Variants in STOX2 observed in about 807,000 individuals in gnomAD.
The protein encoded by STOX2 is storkhead box 2.
Under a neutral mutation model 60.9 loss-of-function variants are expected in STOX2, and 28 were observed. The observed-to-expected ratio is 0.46, with a 90% CI of 0.34 to 0.63. The LOEUF is 0.63. Ranked by LOEUF, STOX2 falls within the 30% of genes least tolerant of loss-of-function variation. The probability of loss-of-function intolerance (pLI) is 0.01; values close to 1 mark genes in which losing one functional copy is unlikely to be tolerated. For synonymous variants in STOX2, 472 were observed against 463.9 expected (o/e 1.02, Z -0.22); for missense variants, 1,024 against 1,187.7 (o/e 0.86, Z 2.03).
At chr4:183,844,799 T>G (rs766509431) in intron 1 of STOX2, among the ~76,000 whole-genome samples, 3 of 152,242 alleles carry the variant, frequency 2.0e-5, no homozygotes, top group Non-Finnish European at 2.9e-5. Context: ...CAAAAGTGTA[T>G]TGAGCACCTC....
chr4:183,911,484 G>A (rs1741781599), intron 1 of STOX2, among the ~76,000 whole-genome samples: 1 of 152,144 alleles, frequency 6.6e-6, no homozygotes, highest in Non-Finnish European at 1.5e-5. Context: ...CAGGCGAGTG[G>A]AAGTGAGGAA....
At chr4:183,834,447 A>G (rs1739652270) in intron 1 of STOX2, among the ~76,000 whole-genome samples, 2 of 152,114 alleles carry the variant, frequency 1.3e-5, no homozygotes, top group South Asian at 2.1e-4. Context: ...CAATTCCTAC[A>G]GTCTGCACAA....
At chr4:183,960,996 C>T (rs1743395209) in intron 1 of STOX2, among the ~76,000 whole-genome samples, 1 of 152,154 alleles carries the variant, frequency 6.6e-6, no homozygotes, top group African/African-American at 2.4e-5. Flanking sequence ...ATGAGCTACA[C>T]CCCTCAGCCC....
intron 1 of STOX2, among the ~76,000 whole-genome samples, chr4:183,934,581 A>G (rs1742534945): frequency 6.6e-6 from 1 of 152,252 alleles, no homozygotes; most frequent in East Asian, 1.9e-4. Context: ...AGAATTAATT[A>G]AAACAAATAT....
chr4:183,909,035 T>C (rs942869798), intron 1 of STOX2, among the ~76,000 whole-genome samples: 1 of 152,122 alleles, frequency 6.6e-6, no homozygotes, highest in African/African-American at 2.4e-5. Context: ...AGCTAATACA[T>C]GGAATAAGAA....
chr4:183,867,447 C>T (rs1056989578), intron 1 of STOX2, among the ~76,000 whole-genome samples: 1 of 152,206 alleles, frequency 6.6e-6, no homozygotes, highest in Non-Finnish European at 1.5e-5. Context: ...CTGGACAGGG[C>T]TGCTGAGGGA....
intron 1 of STOX2, among the ~76,000 whole-genome samples, chr4:183,980,543 C>T (rs1456164639): frequency 6.6e-6 from 1 of 152,090 alleles, no homozygotes; most frequent in Non-Finnish European, 1.5e-5. Flanking sequence ...GTGGTGTGCC[C>T]CTTCCAACTG....
chr4:183,908,813 C>T (rs1365628916), intron 1 of STOX2, among the ~76,000 whole-genome samples: 4 of 152,074 alleles, frequency 2.6e-5, no homozygotes, highest in Admixed American at 1.3e-4. Flanking sequence ...TTCAGGTTGG[C>T]GGTTTTCTGT....
At chr4:183,941,238 T>C (rs1314785713) in intron 1 of STOX2, among the ~76,000 whole-genome samples, 1 of 152,222 alleles carries the variant, frequency 6.6e-6, no homozygotes, top group Non-Finnish European at 1.5e-5. Context: ...CTCATCCTTT[T>C]GGTTCTCCTA....
intron 1 of STOX2, among the ~76,000 whole-genome samples, chr4:183,840,879 T>G (rs1739841996): frequency 6.6e-6 from 1 of 152,126 alleles, no homozygotes; most frequent in African/African-American, 2.4e-5. Flanking sequence ...ATTCTGTTAT[T>G]TTTTTTGAGA....
intron 1 of STOX2, among the ~76,000 whole-genome samples, chr4:183,852,439 GGGAAAGGTTGAGA>G: frequency 2.4e-5 from 1 of 42,104 alleles, no homozygotes; most frequent in African/African-American, 1.1e-4. Context: ...GAAAGGATGA[GGGAAAGGTTGAGA>G]GAAACGATGA....
intron 3 of STOX2, chr4:184,016,159 G>A (rs2309956): frequency 0.52 from 79,481 of 152,092 alleles, 23,629 homozygotes; most frequent in Non-Finnish European, 0.69. Flanking sequence ...TCAGGAGTTC[G>A]AGACCAGCCT....
chr4:183,800,709 T>C (rs1051026148), intron 1 of STOX2, among the ~76,000 whole-genome samples: 1 of 152,230 alleles, frequency 6.6e-6, no homozygotes, highest in African/African-American at 2.4e-5. Flanking sequence ...AGTCTTATCA[T>C]TCTTGTGGGG....
At chr4:183,822,289 A>C (rs1346646737) in intron 1 of STOX2, among the ~76,000 whole-genome samples, 2 of 152,174 alleles carry the variant, frequency 1.3e-5, no homozygotes, top group African/African-American at 4.8e-5. Context: ...ATGGTCTCCA[A>C]CCTTTTTGGC....
intron 1 of STOX2, among the ~76,000 whole-genome samples, chr4:183,986,879 C>T (rs1333565113): frequency 6.6e-6 from 1 of 151,924 alleles, no homozygotes; most frequent in Admixed American, 6.6e-5. Flanking sequence ...CCGGGAGACC[C>T]ACGTGGGGAC....
chr4:183,971,094 G>A lies in STOX2; in HGVS notation c.167-30231G>A, dbSNP rs1003471085. On this transcript the variant is annotated intron_variant, in intron 1 of 3. Coordinates refer to ENST00000308497, the MANE Select transcript of STOX2 (RefSeq NM_020225.3). Reference sequence around the variant, plus strand: ...ATGTAATATCTGAGGGGTTTTTTTGGTGGAACTTTTTGTGTTGAGTATAGA... The same window carrying A: ...ATGTAATATCTGAGGGGTTTTTTTGATGGAACTTTTTGTGTTGAGTATAGA... 3.9e-5 allele frequency among the ~76,000 whole-genome samples: 6 copies of A among 152,102 alleles called. No individual in the cohort carries two copies. In the East Asian group the frequency reaches 7.7e-4, roughly 20 times the overall value.
chr4:183,851,141 G>A (rs1237079837), intron 1 of STOX2, among the ~76,000 whole-genome samples: 1,010 of 43,422 alleles, frequency 0.023, 22 homozygotes, highest in Non-Finnish European at 0.033. Context: ...AAACGATGAG[G>A]GAAAGGATGA....
intron 1 of STOX2, among the ~76,000 whole-genome samples, chr4:183,841,185 A>T (rs1029836144): frequency 6.8e-6 from 1 of 147,064 alleles, no homozygotes; most frequent in Non-Finnish European, 1.5e-5. Flanking sequence ...CGTAGTATTT[A>T]TTTATTTATT....
chr4:183,985,644 C>A (rs186563590), intron 1 of STOX2, among the ~76,000 whole-genome samples: 2 of 152,258 alleles, frequency 1.3e-5, no homozygotes, highest in East Asian at 3.9e-4. Context: ...ACATTCTCAT[C>A]CCTTCGAGTA....
Sources: allele counts gnomAD v4.1 joint callset (sites outside exome capture counted in the v4.1 genomes callset), GRCh38; gene constraint gnomAD v4.1.1; transcripts MANE v1.5; gene names NCBI Gene and HGNC (gene_info 2026-07-23, HGNC 2026-07-21).